The following OLFM4 variants were observed in gnomAD, a reference collection of about 807,000 sequenced individuals.
The protein encoded by OLFM4 is olfactomedin 4.
In OLFM4, 22 loss-of-function variants were observed where a neutral mutation model predicts 25.5. The ratio of observed to expected loss-of-function variants is 0.86; its 90% confidence interval spans 0.62 to 1.23. The LOEUF (loss-of-function observed/expected upper bound fraction) is 1.23, where lower values mean the gene tolerates loss of function less well. OLFM4 is among the 50% of genes most tolerant of loss of function. The pLI is 0.00. For missense variants in OLFM4, 594 were observed against 619.4 expected (o/e 0.96, Z 0.44); for synonymous variants, 255 against 237.7 (o/e 1.07, Z -0.67).
chr13:53,040,585 C>T (rs146165524), intron 2 of OLFM4, among the ~76,000 whole-genome samples: 1 of 152,238 alleles, frequency 6.6e-6, no homozygotes, highest in Non-Finnish European at 1.5e-5. Flanking sequence ...GATTTTGTCC[C>T]CAGGGAACAT....
intron 2 of OLFM4, among the ~76,000 whole-genome samples, chr13:53,039,373 A>G (rs1025187516): frequency 1.3e-5 from 2 of 152,202 alleles, no homozygotes; most frequent in Admixed American, 6.5e-5. Context: ...TGCACTTCTC[A>G]GGGGGACTTG....
At chr13:53,029,951 G>C (rs556606729) in intron 1 of OLFM4, among the ~76,000 whole-genome samples, 15 of 152,142 alleles carry the variant, frequency 9.9e-5, no homozygotes, top group African/African-American at 2.4e-4. Context: ...GCCTTTCTGC[G>C]GGAACCCCAC....
intron 4 of OLFM4, among the ~76,000 whole-genome samples, chr13:53,048,913 CTT>C (rs1954729643): frequency 6.6e-6 from 1 of 152,118 alleles, no homozygotes. Context: ...GTGTTCAACT[CTT>C]TGGATAGTTA....
chr13:53,042,089 A>C lies in OLFM4; in HGVS notation c.537A>C (p.Gly179=), dbSNP rs1405651987. Residue 179 remains glycine (G), a synonymous_variant, in exon 3 of 5, where the codon GGA becomes GGC. Coordinates refer to ENST00000219022, the MANE Select transcript of OLFM4 (RefSeq NM_006418.5). The part of the protein sequence containing the change: ...LVIQLKESFG[G]SSEIVDQLEV... ...TACAGCTGAAGGAGAGTTTTGGTGGAAGCTCAGAAATTGTTGACCAGCTGG... is the reference window on the plus strand; with the variant it reads ...TACAGCTGAAGGAGAGTTTTGGTGGCAGCTCAGAAATTGTTGACCAGCTGG... 1.2e-6 allele frequency: 2 copies of C among 1,613,986 alleles called. No homozygotes were observed. The highest frequency in any genetic ancestry group is 3.3e-5 in the Admixed American group (2 of 59,988).
At chr13:53,030,693 G>T (rs1213448722) in intron 1 of OLFM4, among the ~76,000 whole-genome samples, 1 of 152,180 alleles carries the variant, frequency 6.6e-6, no homozygotes, top group Non-Finnish European at 1.5e-5. Flanking sequence ...GAAGTCATTA[G>T]TTTTAAGTCA....
intron 2 of OLFM4, among the ~76,000 whole-genome samples, chr13:53,035,220 C>T (rs544439417): frequency 6.6e-6 from 1 of 151,948 alleles, no homozygotes; most frequent in African/African-American, 2.4e-5. Context: ...CTCTCTCCCC[C>T]TCACTCTCTT....
Position 53,050,544 on chromosome 13 carries a change from G to A in OLFM4, c.1306G>A (p.Val436Ile), listed in dbSNP as rs1566321536. ...YKPSASNAFM[V>I]CGVLYATRTM... ...ACCATCTGCTTCTAACGCCTTCATG[G>A]TATGTGGGGTTCTGTATGCCACCCG... The change falls in exon 5 of 5, where the codon GTA (valine) becomes ATA (isoleucine). Residue 436 changes from valine to isoleucine, a missense_variant. Transcript: ENST00000219022. The A allele has an allele frequency of 6.2e-7, 1 of 1,613,976 alleles. No individual in the cohort carries two copies. The highest frequency in any genetic ancestry group is 1.7e-5 in the Admixed American group (1 of 60,000).
Sources: gnomAD v4.1 joint callset for allele counts (sites outside exome capture counted in the v4.1 genomes callset) on GRCh38, gnomAD v4.1.1 for gene constraint, MANE v1.5 for transcripts, NCBI Gene and HGNC (gene_info 2026-07-23, HGNC 2026-07-21) for gene names.